The following CLASP1 variants were observed in gnomAD, a reference collection of about 807,000 sequenced individuals.
The protein encoded by CLASP1 is cytoplasmic linker associated protein 1, also known as CLIP-associating protein 1.
CLASP1 carries 38 observed loss-of-function variants against 192.3 expected under a neutral mutation model. The observed-to-expected ratio is 0.20, with a 90% confidence interval of 0.15 to 0.26. The LOEUF is 0.26. CLASP1 is among the 10% of genes least tolerant of loss of function. The probability of loss-of-function intolerance (pLI) is 1.00; values close to 1 mark genes in which losing one functional copy is unlikely to be tolerated. For missense variants in CLASP1, 1,433 were observed against 1,932.5 expected (o/e 0.74, Z 4.85); for synonymous variants, 691 against 712.8 (o/e 0.97, Z 0.49).
At chr2:121,344,933 G>T (rs2063259330) in intron 39 of CLASP1, among the ~76,000 whole-genome samples, 1 of 152,182 alleles carries the variant, frequency 6.6e-6, no homozygotes, top group South Asian at 2.1e-4. Context: ...CAAGGCAGGA[G>T]GATCACCTGA....
Position 121,348,729 on chromosome 2 carries a change from C to A in CLASP1, c.4207-11G>T. On this transcript the variant is annotated splice_polypyrimidine_tract_variant and intron_variant, in intron 37 of 39. Coordinates refer to ENST00000263710, the Ensembl canonical transcript of CLASP1. ...AGCCGCTCTCACCACCTGAAACACC[C>A]AGTTCCCCCAAAGAGTGAGCTCCAC... 1 of 1,581,218 alleles carries A rather than the reference C, an allele frequency of 6.3e-7. No individual in the cohort carries two copies.
chr2:121,422,065 T>C (rs1235352212), intron 22 of CLASP1, among the ~76,000 whole-genome samples: 1 of 152,228 alleles, frequency 6.6e-6, no homozygotes, highest in African/African-American at 2.4e-5. Context: ...CTCTGGGGTC[T>C]TCTGCTTACA....
intron 7 of CLASP1, among the ~76,000 whole-genome samples, chr2:121,513,729 T>A (rs996889652): frequency 3.3e-5 from 5 of 152,230 alleles, no homozygotes; most frequent in African/African-American, 1.2e-4. Flanking sequence ...GCAAGCATCC[T>A]AGAGACTCTC....
At chr2:121,513,001 A>C (rs1445873843) in intron 7 of CLASP1, 1 of 152,258 alleles carries the variant, frequency 6.6e-6, no homozygotes, top group Non-Finnish European at 1.5e-5. Flanking sequence ...TAAAAAATCT[A>C]TAATGATGTA....
intron 19 of CLASP1, among the ~76,000 whole-genome samples, chr2:121,433,420 T>C (rs2081795827): frequency 6.6e-6 from 1 of 151,930 alleles, no homozygotes; most frequent in Non-Finnish European, 1.5e-5. Flanking sequence ...TCTTTTTAGA[T>C]AAGAGGGTTT....
chr2:121,591,056 C>T (rs746612789), intron 2 of CLASP1, among the ~76,000 whole-genome samples: 3 of 151,946 alleles, frequency 2.0e-5, no homozygotes, highest in Non-Finnish European at 4.4e-5. Flanking sequence ...TTAGTGGAGA[C>T]GGGGTTTCAC....
rs565190894 is a variant in CLASP1, at chr2:121,429,459, T to A, written c.2017+614A>T. Among the ~76,000 whole-genome samples, 6 of 152,268 alleles carry A rather than the reference T, an allele frequency of 3.9e-5. No homozygotes were observed. The South Asian group carries it at 1.2e-3, about 32-fold the overall frequency. On this transcript the variant is annotated intron_variant, in intron 20 of 39. Transcript: ENST00000263710. ...TTAAAGTTTATGTGTGGCTGGAAAG[T>A]GAGACACCAAGTGAGGATCTGAAGT...
chr2:121,467,162 T>C (rs2089757243), intron 9 of CLASP1, among the ~76,000 whole-genome samples: 1 of 152,186 alleles, frequency 6.6e-6, no homozygotes, highest in Admixed American at 6.5e-5. Flanking sequence ...TGTTCCTTTT[T>C]ATGAATGTGG....
At chr2:121,528,656 A>G in intron 4 of CLASP1, 21 bp downstream of exon 4, 1 of 1,610,774 alleles carries the variant, frequency 6.2e-7, no homozygotes, top group Non-Finnish European at 8.5e-7. Context: ...GCTGACCTCA[A>G]AACACATCTC....
chr2:121,484,542 G>C (rs942002571), intron 8 of CLASP1, among the ~76,000 whole-genome samples: 2 of 152,166 alleles, frequency 1.3e-5, no homozygotes, highest in African/African-American at 2.4e-5. Context: ...GCAGGGCCAG[G>C]GTCTTGGGCC....
At chr2:121,600,888 T>C (rs962225535) in intron 2 of CLASP1, among the ~76,000 whole-genome samples, 5 of 152,186 alleles carry the variant, frequency 3.3e-5, no homozygotes, top group Non-Finnish European at 7.3e-5. Context: ...AAGCATGGCA[T>C]TCAAAGGCAA....
At chr2:121,386,392 T>C (rs144094817) in intron 32 of CLASP1, among the ~76,000 whole-genome samples, 4 of 152,286 alleles carry the variant, frequency 2.6e-5, no homozygotes, top group African/African-American at 7.2e-5. Context: ...GGCTCTCTCC[T>C]AAAAATTTTG....
chr2:121,414,946 G>A (rs940833660), intron 23 of CLASP1, among the ~76,000 whole-genome samples: 11 of 151,774 alleles, frequency 7.2e-5, no homozygotes, highest in Admixed American at 3.9e-4. Context: ...CACCACATTC[G>A]GCTTTGTTTT....
chr2:121,339,617 T>C (rs2062618662), exon 40 of CLASP1: 1 of 152,212 alleles, frequency 6.6e-6, no homozygotes, highest in South Asian at 2.1e-4. Flanking sequence ...GGGGGCCTAG[T>C]GGTTCGCTGA....
intron 19 of CLASP1, among the ~76,000 whole-genome samples, chr2:121,435,778 G>C (rs960617488): frequency 6.6e-6 from 1 of 152,156 alleles, no homozygotes; most frequent in African/African-American, 2.4e-5. Flanking sequence ...AAACCTCTTT[G>C]AGATAATTAT....
intron 30 of CLASP1, among the ~76,000 whole-genome samples, chr2:121,392,051 T>C (rs2074447618): frequency 6.6e-6 from 1 of 152,230 alleles, no homozygotes; most frequent in Non-Finnish European, 1.5e-5. Context: ...TCTCATCTTT[T>C]GAAGGCAATT....
At chr2:121,439,904 G>A (rs2082984808) in intron 19 of CLASP1, among the ~76,000 whole-genome samples, 1 of 136,738 alleles carries the variant, frequency 7.3e-6, no homozygotes, top group Non-Finnish European at 1.5e-5. Context: ...TGGACACAGG[G>A]AGGGGAATAT....
chr2:121,424,517 A>G lies in CLASP1; in HGVS notation c.2212+622T>C, dbSNP rs529369412. On this transcript the variant is annotated intron_variant, in intron 22 of 39. Coordinates refer to ENST00000263710, the Ensembl canonical transcript of CLASP1. The stretch of plus-strand genomic sequence containing the variant: ...AATTTTATATTTAAAAAGTTAGCGT[A>G]TGAATTAGATTTTAAATGGAACAAA... Among the ~76,000 whole-genome samples, 5 of 152,360 alleles carry G rather than the reference A, an allele frequency of 3.3e-5. 1 individual carries two copies. The South Asian group carries it at 1.0e-3, about 32-fold the overall frequency.
rs531883311 is a variant in CLASP1 at position 121,380,620 on chromosome 2, G to A, written c.3491+1588C>T. Among the ~76,000 whole-genome samples, 15 of 152,280 alleles carry A rather than the reference G, an allele frequency of 9.9e-5. No individual in the cohort carries two copies. The South Asian group carries it at 1.7e-3, about 17-fold the overall frequency. On this transcript the variant is annotated intron_variant, in intron 33 of 39. Transcript: ENST00000263710. ...CTGGAGAGAGAAGCCTGCCTTCTTC[G>A]TCATTTTGTAGGAAAAGGGTACAAT... is the stretch of plus-strand genomic sequence containing the variant.
Sources: allele counts gnomAD v4.1 joint callset (sites outside exome capture counted in the v4.1 genomes callset), GRCh38; gene constraint gnomAD v4.1.1; transcripts MANE v1.5; gene names NCBI Gene and HGNC (gene_info 2026-07-23, HGNC 2026-07-21).